RIN3: variants seen among roughly 807,000 people sequenced by gnomAD.
The protein encoded by RIN3 is Ras and Rab interactor 3, also known as RAB5 interacting protein 3.
A neutral mutation model predicts 76.3 loss-of-function variants in RIN3; 54 were observed. That is an observed-to-expected ratio of 0.71 (90% CI 0.57 to 0.89). The LOEUF is 0.89. Ranked by LOEUF, RIN3 falls within the 40% of genes least tolerant of loss-of-function variation. The pLI is 0.00. For synonymous variants in RIN3, 576 were observed against 564.0 expected, an observed-to-expected ratio of 1.02 and a Z score of -0.30; for missense variants, 1,256 against 1,322.1, an observed-to-expected ratio of 0.95 and a Z score of 0.78.
At chr14:92,553,042 A>T (rs1897477080) in intron 1 of RIN3, among the ~76,000 whole-genome samples, 1 of 151,968 alleles carries the variant, frequency 6.6e-6, no homozygotes, top group South Asian at 2.1e-4. Flanking sequence ...AAAAAAAAAA[A>T]AAAAAATGGG....
intron 2 of RIN3, among the ~76,000 whole-genome samples, chr14:92,557,062 G>A (rs981102596): frequency 1.3e-5 from 2 of 151,986 alleles, no homozygotes; most frequent in Non-Finnish European, 2.9e-5. Flanking sequence ...CCACCAATCT[G>A]CCTCCGAAGT....
intron 8 of RIN3, among the ~76,000 whole-genome samples, chr14:92,678,786 G>A: frequency 6.6e-6 from 1 of 152,190 alleles, no homozygotes; most frequent in Non-Finnish European, 1.5e-5. Flanking sequence ...TGATAGCCTT[G>A]TGTGAATGAA....
intron 1 of RIN3, among the ~76,000 whole-genome samples, chr14:92,542,349 T>C (rs1407441122): frequency 6.6e-6 from 1 of 151,292 alleles, no homozygotes; most frequent in Non-Finnish European, 1.5e-5. Context: ...GAACTGCAAA[T>C]CAAAACCGCA....
At position 92,687,953 on chromosome 14, in the gene RIN3, C is replaced by T. The variant is rs1410136891; in HGVS notation, c.2659C>T (p.Pro887Ser). Residue 887 changes from proline to serine, a missense_variant, in exon 10 of 10, where the codon CCC becomes TCC. Pro to Ser is a moderately conservative substitution (Grantham distance 74). Coordinates refer to ENST00000216487, the MANE Select transcript of RIN3 (RefSeq NM_024832.5). ...CTTCATCTGCGTGTCGTACCTGGAG[C>T]CCGAGCAGCAGGCGCGGACGCTGGC... ...QDFICVSYLE[P>S]EQQARTLASR... is the part of the protein sequence containing the mutation. 1.9e-6 allele frequency: 3 copies of T among 1,552,202 alleles called. No homozygotes were observed. Among genetic ancestry groups the T allele is most frequent in the Non-Finnish European group, 1.7e-6 (2 of 1,148,932 alleles).
intron 1 of RIN3, among the ~76,000 whole-genome samples, chr14:92,539,697 G>A (rs1216695682): frequency 6.6e-6 from 1 of 152,196 alleles, no homozygotes; most frequent in Non-Finnish European, 1.5e-5. Context: ...GGATGACCCA[G>A]ATAGGCAAAG....
chr14:92,673,167 C>CA (rs1440372280), intron 7 of RIN3, among the ~76,000 whole-genome samples: 2 of 152,042 alleles, frequency 1.3e-5, no homozygotes, highest in African/African-American at 2.4e-5. Context: ...AACCCGGTCT[C>CA]AAAAAAATGA....
At chr14:92,626,076 T>C (rs1292408209) in intron 4 of RIN3, among the ~76,000 whole-genome samples, 1 of 152,198 alleles carries the variant, frequency 6.6e-6, no homozygotes, top group East Asian at 1.9e-4. Flanking sequence ...CCCTTCATCT[T>C]TTTCCTGTTG....
intron 5 of RIN3, among the ~76,000 whole-genome samples, chr14:92,646,421 C>G (rs1887202054): frequency 6.6e-6 from 1 of 152,192 alleles, no homozygotes; most frequent in African/African-American, 2.4e-5. Context: ...TAATAAAAGT[C>G]AAGCATGTTG....
intron 1 of RIN3, among the ~76,000 whole-genome samples, chr14:92,525,581 C>G (rs921816303): frequency 6.6e-6 from 1 of 152,126 alleles, no homozygotes; most frequent in African/African-American, 2.4e-5. Context: ...CACTAGGAGG[C>G]CTGCCAGGGT....
intron 8 of RIN3, among the ~76,000 whole-genome samples, chr14:92,683,034 G>GCA (rs1379388937): frequency 1.3e-5 from 2 of 152,190 alleles, no homozygotes; most frequent in Non-Finnish European, 2.9e-5. Context: ...AGGCGTGGTG[G>GCA]TGCGTGCCTA....
intron 2 of RIN3, among the ~76,000 whole-genome samples, chr14:92,566,202 C>G (rs1194012044): frequency 2.0e-5 from 3 of 152,184 alleles, no homozygotes; most frequent in African/African-American, 7.2e-5. Flanking sequence ...AGTTTAGCAG[C>G]TCTTTGATGC....
intron 3 of RIN3, among the ~76,000 whole-genome samples, chr14:92,588,859 C>G (rs1465454955): frequency 3.3e-5 from 5 of 152,184 alleles, no homozygotes; most frequent in Non-Finnish European, 7.3e-5. Flanking sequence ...GCACTCTCTG[C>G]CAGGGCAGTG....
rs1022682357 is a variant in RIN3, at chr14:92,514,458, C to T, written c.44+482C>T. 2.0e-5 allele frequency among the ~76,000 whole-genome samples: 3 copies of T among 152,236 alleles called. No individual in the cohort carries two copies. The highest frequency in any genetic ancestry group is 1.5e-5 in the Non-Finnish European group (1 of 68,044). On this transcript the variant is annotated intron_variant, in intron 1 of 9. Transcript: ENST00000216487. The surrounding 1 kb of genome is among the most constrained non-coding windows in gnomAD (Gnocchi z 7.2). ...GCGTGGGGTCGGAGACCCGGACCCC[C>T]GCAACTTTGGGTGCCCGCGGCCCAA...
chr14:92,542,229 A>G (rs1331016764), intron 1 of RIN3, among the ~76,000 whole-genome samples: 1 of 152,202 alleles, frequency 6.6e-6, no homozygotes, highest in Non-Finnish European at 1.5e-5. Flanking sequence ...TTGAGGCTGT[A>G]GTGAGCCATG....
intron 8 of RIN3, among the ~76,000 whole-genome samples, chr14:92,683,594 CAGG>C (rs1888741628): frequency 6.6e-6 from 1 of 152,106 alleles, no homozygotes; most frequent in African/African-American, 2.4e-5. Flanking sequence ...GAGGCCAAGG[CAGG>C]AGGATCACCT....
Position 92,514,652 on chromosome 14 carries a change from G to A in RIN3, c.44+676G>A, listed in dbSNP as rs1896389028. On this transcript the variant is annotated intron_variant, in intron 1 of 9. Transcript: ENST00000216487. The surrounding 1 kb of genome is among the most constrained non-coding windows in gnomAD (Gnocchi z 7.2). ...GGCTGTGGATGCATGACGCCGAATG[G>A]TTTGGGAACTGACTTGGAGAGGAGT... is the stretch of plus-strand genomic sequence containing the variant. Among the ~76,000 whole-genome samples the A allele has an allele frequency of 6.6e-6, 1 of 152,236 alleles. No individual in the cohort carries two copies. Among genetic ancestry groups the A allele is most frequent in the Non-Finnish European group, 1.5e-5 (1 of 68,034 alleles).
chr14:92,678,533 CACAT>C (rs1202315501), intron 8 of RIN3, among the ~76,000 whole-genome samples: 1 of 146,188 alleles, frequency 6.8e-6, no homozygotes, highest in Non-Finnish European at 1.5e-5. Context: ...TCCACCCACC[CACAT>C]ATTCACTCAT....
intron 7 of RIN3, among the ~76,000 whole-genome samples, chr14:92,666,132 C>T (rs771480823): frequency 4.6e-5 from 7 of 152,164 alleles, no homozygotes; most frequent in Non-Finnish European, 8.8e-5. Context: ...CCTGCCTAGC[C>T]CTGCCTCTAG....
chr14:92,615,331 A>C (rs1885913986), intron 3 of RIN3, 76 bp from the exon 4 acceptor site: 1 of 1,288,840 alleles, frequency 7.8e-7, no homozygotes, highest in African/African-American at 1.5e-5. Flanking sequence ...CCCCGACCCC[A>C]TCCTTGCCAC....
Sources: allele counts gnomAD v4.1 joint callset (sites outside exome capture counted in the v4.1 genomes callset), GRCh38; gene constraint gnomAD v4.1.1; non-coding constraint Gnocchi (gnomAD v3.1); transcripts MANE v1.5; gene names NCBI Gene and HGNC (gene_info 2026-07-23, HGNC 2026-07-21).